SORCS2: variants seen among roughly 807,000 people sequenced by gnomAD.
SORCS2 encodes the protein sortilin related VPS10 domain containing receptor 2, also known as VPS10 domain-containing receptor SorCS2.
SORCS2 carries 100 observed loss-of-function variants against 141.6 expected under a neutral mutation model. The ratio of observed to expected loss-of-function variants is 0.71; its 90% CI spans 0.60 to 0.83. The LOEUF is 0.83. SORCS2 is among the 40% of genes least tolerant of loss of function. The pLI, the probability that SORCS2 is intolerant of heterozygous loss-of-function variation, is 0.00. For synonymous variants in SORCS2, 789 were observed against 676.9 expected, an observed-to-expected ratio of 1.17 and a Z score of -2.57; for missense variants, 1,646 against 1,560.2, an observed-to-expected ratio of 1.05 and a Z score of -0.93.
chr4:7,459,002 G>A (rs1157735288), intron 2 of SORCS2, among the ~76,000 whole-genome samples: 1 of 152,144 alleles, frequency 6.6e-6, no homozygotes, highest in East Asian at 1.9e-4. Context: ...GGGGTGCATG[G>A]AGGGGTCAGA....
rs541229992 is a variant in SORCS2, at chr4:7,544,255, C to T, written c.648+12626C>T. ...TTATTCATTCAACTAATATCTATCC[C>T]ATGGCCATCTATGCTGCTGCTGACA... On this transcript the variant is annotated intron_variant, in intron 3 of 26. Coordinates refer to ENST00000507866, the MANE Select transcript of SORCS2 (RefSeq NM_020777.3). Among the ~76,000 whole-genome samples, 5 of 152,350 alleles carry T rather than the reference C, an allele frequency of 3.3e-5. No individual in the cohort carries two copies. The Middle Eastern group carries it at 0.014, about 415-fold the overall frequency.
At chr4:7,382,034 C>G in intron 1 of SORCS2, 4 of 960,822 alleles carry the variant, frequency 4.2e-6, no homozygotes, top group Non-Finnish European at 5.0e-6. Context: ...GGAGTCGGGT[C>G]AAAGATGGGA....
intron 1 of SORCS2, among the ~76,000 whole-genome samples, chr4:7,317,593 G>C (rs915724465): frequency 6.6e-6 from 1 of 152,132 alleles, no homozygotes; most frequent in Non-Finnish European, 1.5e-5. Flanking sequence ...CCATGGGCCT[G>C]CGGCACCTCT....
At chr4:7,653,533 G>A (rs1161359141) in intron 4 of SORCS2, among the ~76,000 whole-genome samples, 4 of 152,148 alleles carry the variant, frequency 2.6e-5, no homozygotes, top group South Asian at 2.1e-4. Flanking sequence ...GTGAGCCACC[G>A]CACCTGGCCC....
intron 2 of SORCS2, among the ~76,000 whole-genome samples, chr4:7,429,254 T>C (rs1726664025): frequency 6.6e-6 from 1 of 152,128 alleles, no homozygotes; most frequent in African/African-American, 2.4e-5. Context: ...GCTTCCCTGG[T>C]GCTGCTCTAT....
At chr4:7,552,980 G>C (rs867252096) in intron 3 of SORCS2, among the ~76,000 whole-genome samples, 3 of 152,194 alleles carry the variant, frequency 2.0e-5, no homozygotes, top group Non-Finnish European at 2.9e-5. Flanking sequence ...AGCGAGGAGT[G>C]GGGGTGGAGT....
intron 1 of SORCS2, among the ~76,000 whole-genome samples, chr4:7,215,414 G>A (rs923838004): frequency 7.9e-5 from 12 of 152,340 alleles, no homozygotes; most frequent in Admixed American, 4.6e-4. Flanking sequence ...GCCTTCCCCC[G>A]ACTCCGTGGG....
intron 3 of SORCS2, among the ~76,000 whole-genome samples, chr4:7,602,145 G>A (rs887710571): frequency 1.3e-5 from 2 of 152,164 alleles, no homozygotes; most frequent in African/African-American, 2.4e-5. Context: ...CGACAAAACC[G>A]CCATCGTCAT....
At chr4:7,522,380 A>G (rs1316784651) in intron 2 of SORCS2, among the ~76,000 whole-genome samples, 1 of 152,258 alleles carries the variant, frequency 6.6e-6, no homozygotes, top group Admixed American at 6.5e-5. Context: ...CAATTTTCCA[A>G]CTGCGCTTGC....
At chr4:7,588,854 CTTTTG>C (rs945674471) in intron 3 of SORCS2, among the ~76,000 whole-genome samples, 3 of 152,146 alleles carry the variant, frequency 2.0e-5, no homozygotes, top group African/African-American at 7.2e-5. Flanking sequence ...TGCTTTCTTG[CTTTTG>C]TTTGGTTTGG....
chr4:7,394,029 G>C (rs1173051437), intron 1 of SORCS2, among the ~76,000 whole-genome samples: 1 of 152,126 alleles, frequency 6.6e-6, no homozygotes. Flanking sequence ...CCCTTCCTGG[G>C]CGACCTCCTT....
At chr4:7,253,016 C>T (rs1161748951) in intron 1 of SORCS2, among the ~76,000 whole-genome samples, 3 of 152,256 alleles carry the variant, frequency 2.0e-5, no homozygotes, top group African/African-American at 7.2e-5. Flanking sequence ...ACAGCTTGGA[C>T]CCCTGACACT....
chr4:7,647,725 C>T (rs565679498), intron 4 of SORCS2, among the ~76,000 whole-genome samples: 1 of 152,196 alleles, frequency 6.6e-6, no homozygotes, highest in Non-Finnish European at 1.5e-5. Flanking sequence ...GGATTTGCTA[C>T]GTTTCACACC....
chr4:7,476,771 C>G (rs1156281529), intron 2 of SORCS2, among the ~76,000 whole-genome samples: 1 of 152,164 alleles, frequency 6.6e-6, no homozygotes, highest in Non-Finnish European at 1.5e-5. Flanking sequence ...CTGCTCCACG[C>G]TCTCCCTCTG....
At chr4:7,724,910 T>TGGTGAGGA in intron 19 of SORCS2, among the ~76,000 whole-genome samples, 1 of 28,424 alleles carries the variant, frequency 3.5e-5, no homozygotes, top group East Asian at 1.3e-3. Flanking sequence ...GGTGATAGTA[T>TGGTGAGGA]TGGTGGGAAT....
chr4:7,350,313 T>C (rs930643104), intron 1 of SORCS2, among the ~76,000 whole-genome samples: 2 of 152,256 alleles, frequency 1.3e-5, no homozygotes, highest in African/African-American at 4.8e-5. Context: ...AGAGTGGGGC[T>C]ACAGTTCAGT....
intron 2 of SORCS2, among the ~76,000 whole-genome samples, chr4:7,516,416 T>C (rs1732982744): frequency 6.6e-6 from 1 of 152,140 alleles, no homozygotes. Context: ...CTGAAGGTGC[T>C]GGGACCCTGC....
At chr4:7,699,554 C>T (rs1235549496) in intron 12 of SORCS2, among the ~76,000 whole-genome samples, 1 of 152,096 alleles carries the variant, frequency 6.6e-6, no homozygotes, top group Admixed American at 6.5e-5. Flanking sequence ...CCTCTCACTG[C>T]ACCACACCCT....
At position 7,565,993 on chromosome 4, in the gene SORCS2, TGGTG is replaced by T. The variant is rs1560391131; in HGVS notation, c.648+34365_648+34368del. ...GTGATGATGGTGATGATAATGGTAA[TGGTG>T]ATGATGGTGATAATGATGGTGATGA... is the stretch of plus-strand genomic sequence containing the variant. On this transcript the variant is annotated intron_variant, in intron 3 of 26. Transcript: ENST00000507866. 2.0e-3 allele frequency among the ~76,000 whole-genome samples: 4 copies of T among 2,000 alleles called. No individual in the cohort carries two copies. In the South Asian group the frequency reaches 0.077, roughly 38 times the overall value. The allele number at this position is 2,000 out of a possible 152,430, so 1.3% of individuals were successfully genotyped here.
Sources: allele counts gnomAD v4.1 joint callset (sites outside exome capture counted in the v4.1 genomes callset), GRCh38; gene constraint gnomAD v4.1.1; transcripts MANE v1.5; gene names NCBI Gene and HGNC (gene_info 2026-07-23, HGNC 2026-07-21).